Variants in ZMPSTE24 observed in about 807,000 individuals in gnomAD.
ZMPSTE24 encodes the protein zinc metallopeptidase STE24, also known as CAAX prenyl protease 1 homolog.
Under a neutral mutation model 56.7 loss-of-function variants are expected in ZMPSTE24, and 48 were observed. The observed-to-expected ratio is 0.85, with a 90% CI of 0.67 to 1.08. The LOEUF is 1.08. Ranked by LOEUF, ZMPSTE24 falls within the 50% of genes least tolerant of loss-of-function variation. The pLI is 0.00. For missense variants in ZMPSTE24, 503 were observed against 548.7 expected (o/e 0.92, Z 0.83); for synonymous variants, 172 against 195.2 (o/e 0.88, Z 0.99).
chr1:40,286,831 A>G (rs1166074831), intron 8 of ZMPSTE24, among the ~76,000 whole-genome samples: 1 of 147,546 alleles, frequency 6.8e-6, no homozygotes, highest in Non-Finnish European at 1.5e-5. Context: ...GGGTTCAAGC[A>G]ATTCCCCTGC....
chr1:40,281,512 A>T lies in ZMPSTE24; in HGVS notation c.939A>T (p.Ile313=). The change falls in exon 7 of 10, where the codon ATA becomes ATT. Residue 313 remains isoleucine, a synonymous_variant. Transcript: ENST00000372759. Reference sequence around the variant, plus strand: ...AGGAAGAAGGGAACAGTGAAGAAATAAAAGCTAAAGTTAAAGTGAGTTATT... The same window carrying T: ...AGGAAGAAGGGAACAGTGAAGAAATTAAAGCTAAAGTTAAAGTGAGTTATT... ...RNEEEGNSEE[I]KAKVKNKKQG... is the part of the protein sequence containing the mutation. 1 of 1,614,112 alleles carries T rather than the reference A, an allele frequency of 6.2e-7. No individual in the cohort carries two copies. Among genetic ancestry groups the T allele is most frequent in the African/African-American group, 1.3e-5 (1 of 75,052 alleles).
At chr1:40,274,788 T>C (rs1394756002) in intron 6 of ZMPSTE24, among the ~76,000 whole-genome samples, 1 of 152,188 alleles carries the variant, frequency 6.6e-6, no homozygotes, top group African/African-American at 2.4e-5. Flanking sequence ...AGGTAGGACA[T>C]AATGGTAGCT....
At chr1:40,269,951 TG>T in intron 4 of ZMPSTE24, 23 bp from the exon 5 acceptor site, 1 of 1,592,376 alleles carries the variant, frequency 6.3e-7, no homozygotes. Context: ...CTCAGTTTCT[TG>T]TGGTAATGTT....
intron 9 of ZMPSTE24, 118 bp from the exon 10 acceptor site, chr1:40,292,327 T>G: frequency 1.1e-6 from 1 of 940,458 alleles, no homozygotes; most frequent in Non-Finnish European, 1.7e-6. Flanking sequence ...GTGATCTTTC[T>G]TTTGTCCTGC....
intron 7 of ZMPSTE24, among the ~76,000 whole-genome samples, chr1:40,284,711 C>T (rs1466790276): frequency 2.0e-5 from 3 of 152,232 alleles, no homozygotes; most frequent in African/African-American, 4.8e-5. Flanking sequence ...GAGATCGTGC[C>T]GTTGCACTCC....
intron 7 of ZMPSTE24, among the ~76,000 whole-genome samples, chr1:40,282,953 G>T (rs1303169097): frequency 2.6e-5 from 4 of 152,100 alleles, no homozygotes; most frequent in African/African-American, 9.7e-5. Context: ...AAGATTAAAT[G>T]AAATAATATG....
At chr1:40,281,571 A>G in intron 7 of ZMPSTE24, 44 bp downstream of exon 7, 3 of 1,583,768 alleles carry the variant, frequency 1.9e-6, no homozygotes, top group Non-Finnish European at 2.6e-6. Flanking sequence ...GTTTTTATAC[A>G]CAGTTCCTGT....
chr1:40,261,098 T>A, intron 2 of ZMPSTE24, 113 bp downstream of exon 2: 1 of 1,326,628 alleles, frequency 7.5e-7, no homozygotes, highest in South Asian at 1.2e-5. Context: ...TTCTTAACCT[T>A]TGTTATTGAT....
intron 9 of ZMPSTE24, 134 bp downstream of exon 9, chr1:40,291,131 G>A: frequency 8.5e-7 from 1 of 1,182,216 alleles, no homozygotes; most frequent in Non-Finnish European, 1.2e-6. Flanking sequence ...TTAGTCCCCT[G>A]ATTCACTGGT....
At position 40,269,997 on chromosome 1, in the gene ZMPSTE24, A is replaced by G. The variant is rs1186798949; in HGVS notation, c.497A>G (p.Asp166Gly). 1.9e-6 allele frequency: 3 copies of G among 1,613,512 alleles called. No homozygotes were observed. Among genetic ancestry groups the G allele is most frequent in the African/African-American group, 2.7e-5 (2 of 74,914 alleles). Reference protein sequence around the residue: ...NQQTLGFFMKDAIKKFVVTQC... With the variant: ...NQQTLGFFMKGAIKKFVVTQC... ...CAGACTTTGGGGTTCTTCATGAAAGATGCAATCAAGAAATTTGTTGTGACT... is the reference window on the plus strand; with the variant it reads ...CAGACTTTGGGGTTCTTCATGAAAGGTGCAATCAAGAAATTTGTTGTGACT... The change falls in exon 5 of 10, where the codon GAT becomes GGT. Residue 166 changes from aspartate to glycine, a missense_variant. Asp to Gly is a moderately conservative substitution (Grantham distance 94). Transcript: ENST00000372759.
At chr1:40,271,028 C>CT (rs1643609553) in intron 5 of ZMPSTE24, among the ~76,000 whole-genome samples, 1 of 152,218 alleles carries the variant, frequency 6.6e-6, no homozygotes, top group Non-Finnish European at 1.5e-5. Context: ...AAATTATCAT[C>CT]TATCAGCTCT....
At chr1:40,266,894 G>A (rs1384265595) in intron 2 of ZMPSTE24, among the ~76,000 whole-genome samples, 2 of 141,962 alleles carry the variant, frequency 1.4e-5, no homozygotes, top group Non-Finnish European at 3.0e-5. Flanking sequence ...CAGCTCCCCC[G>A]AGTAGCTGGG....
At chr1:40,266,926 A>G (rs564687713) in intron 2 of ZMPSTE24, among the ~76,000 whole-genome samples, 1 of 151,818 alleles carries the variant, frequency 6.6e-6, no homozygotes, top group East Asian at 1.9e-4. Flanking sequence ...ATGCCACCAT[A>G]ATTGGCTCAT....
chr1:40,259,288 G>A (rs1256709832), intron 1 of ZMPSTE24: 1 of 151,918 alleles, frequency 6.6e-6, no homozygotes, highest in African/African-American at 2.4e-5. Flanking sequence ...AGATAACCAT[G>A]GTTTAGAGAT....
chr1:40,267,708 C>G, intron 2 of ZMPSTE24, 78 bp from the exon 3 acceptor site: 2 of 1,170,262 alleles, frequency 1.7e-6, no homozygotes. Flanking sequence ...TTTGTCCTTT[C>G]TTTCTTTATA....
intron 9 of ZMPSTE24, among the ~76,000 whole-genome samples, chr1:40,291,297 A>G (rs373723745): frequency 6.6e-6 from 1 of 152,252 alleles, no homozygotes; most frequent in African/African-American, 2.4e-5. Context: ...CCTAGGCCAC[A>G]TATTCACCAG....
chr1:40,276,417 A>C (rs1643671934), intron 6 of ZMPSTE24, among the ~76,000 whole-genome samples: 1 of 152,178 alleles, frequency 6.6e-6, no homozygotes, highest in Non-Finnish European at 1.5e-5. Context: ...TTGAGGTAGG[A>C]AGAAAACCAG....
intron 6 of ZMPSTE24, among the ~76,000 whole-genome samples, chr1:40,277,003 G>A (rs1277428349): frequency 1.3e-5 from 2 of 151,914 alleles, no homozygotes; most frequent in East Asian, 1.9e-4. Flanking sequence ...TCTGTTGACC[G>A]AAATGTCATT....
At position 40,260,851 on chromosome 1, in the gene ZMPSTE24, A is replaced by G. The variant is rs1230781127; in HGVS notation, c.136A>G (p.Lys46Glu). 2 of 1,613,856 alleles carry G rather than the reference A, an allele frequency of 1.2e-6. No individual in the cohort carries two copies. The highest frequency in any genetic ancestry group is 1.1e-5 in the South Asian group (1 of 91,070). The change falls in exon 2 of 10, where the codon AAA becomes GAA. Residue 46 changes from lysine (K) to glutamate (E), a missense_variant. Coordinates refer to ENST00000372759, the MANE Select transcript of ZMPSTE24 (RefSeq NM_005857.5). ...TAAAATATTTCAGAGAAGGATATAT[A>G]AAACAACAACTCATGTACCACCGGA... ...FLAQRQRRIY[K>E]TTTHVPPELG...
Sources: allele counts gnomAD v4.1 joint callset (sites outside exome capture counted in the v4.1 genomes callset), GRCh38; gene constraint gnomAD v4.1.1; transcripts MANE v1.5; gene names NCBI Gene and HGNC (gene_info 2026-07-23, HGNC 2026-07-21).